The following ACAD11 variants were observed in gnomAD, a reference collection of about 807,000 sequenced individuals.
ACAD11 encodes acyl-Coenzyme A dehydrogenase family, member 11.
ACAD11 carries 83 observed loss-of-function variants against 102.2 expected under a neutral mutation model. The ratio of observed to expected loss-of-function variants is 0.81; its 90% CI spans 0.68 to 0.97. The LOEUF (loss-of-function observed/expected upper bound fraction) is 0.97, where lower values mean the gene tolerates loss of function less well. Among genes scored for constraint, ACAD11 ranks in the 50% least tolerant of loss-of-function variants. The probability of loss-of-function intolerance (pLI) is 0.00; values close to 1 mark genes in which losing one functional copy is unlikely to be tolerated. For synonymous variants in ACAD11, 324 were observed against 319.8 expected, an observed-to-expected ratio of 1.01 and a Z score of -0.14; for missense variants, 901 against 951.7, an observed-to-expected ratio of 0.95 and a Z score of 0.70.
Position 132,631,352 on chromosome 3 carries a change from C to T in ACAD11, c.830G>A (p.Ser277Asn), listed in dbSNP as rs1268747654. Residue 277 changes from serine (S) to asparagine (N), a missense_variant, in exon 6 of 20, where the codon AGT becomes AAT. Transcript: ENST00000264990. ...TTATGTTTTTATACCTGAGTTTTCA[C>T]TATAAGAACCTTGATTTATCATTGG... Reference protein sequence around the residue: ...TVPMINQGSYSENSGIPSMEE... With the variant: ...TVPMINQGSYNENSGIPSMEE... 2.7e-6 allele frequency: 4 copies of T among 1,475,334 alleles called. No individual in the cohort carries two copies. Among genetic ancestry groups the T allele is most frequent in the Non-Finnish European group, 3.6e-6 (4 of 1,107,682 alleles). 91.4% of individuals were successfully genotyped at this position (1,475,334 alleles called of 1,614,324 possible).
Position 132,612,920 on chromosome 3 carries a change from T to TGCACACGTATGTTTATTGTG in ACAD11, c.1414+5694_1414+5713dup, listed in dbSNP as rs1468113990. 1.1e-4 allele frequency among the ~76,000 whole-genome samples: 16 copies of TGCACACGTATGTTTATTGTG among 152,176 alleles called. No homozygotes were observed. In the South Asian group the frequency reaches 3.3e-3, roughly 32 times the overall value. ...TAAATCATGCTGCTATAAAGGCACA[T>TGCACACGTATGTTTATTGTG]GCACACGTATGTTTATTGTGGCACT... On this transcript the variant is annotated intron_variant, in intron 11 of 19. Coordinates refer to ENST00000264990, the MANE Select transcript of ACAD11 (RefSeq NM_032169.5).
At chr3:132,611,881 G>C (rs1233181922) in intron 11 of ACAD11, among the ~76,000 whole-genome samples, 1 of 151,934 alleles carries the variant, frequency 6.6e-6, no homozygotes, top group East Asian at 1.9e-4. Flanking sequence ...CTACTTTAAA[G>C]TTCAAATGGA....
At chr3:132,565,332 G>T (rs993051798) in intron 17 of ACAD11, among the ~76,000 whole-genome samples, 4 of 152,124 alleles carry the variant, frequency 2.6e-5, no homozygotes, top group Non-Finnish European at 5.9e-5. Flanking sequence ...CAGTCCAAAT[G>T]GGATGCCTGG....
chr3:132,590,692 A>G (rs1043983035), intron 13 of ACAD11, among the ~76,000 whole-genome samples: 3 of 152,204 alleles, frequency 2.0e-5, no homozygotes, highest in African/African-American at 7.2e-5. Flanking sequence ...CTTTTTAATA[A>G]TAGCCATCCT....
At chr3:132,640,649 T>C (rs1226473984) in intron 4 of ACAD11, among the ~76,000 whole-genome samples, 4 of 152,194 alleles carry the variant, frequency 2.6e-5, no homozygotes, top group African/African-American at 7.2e-5. Flanking sequence ...GGGTTTAAAT[T>C]ATATCTAAGC....
Position 132,630,551 on chromosome 3 carries a change from T to C in ACAD11, c.849A>G (p.Pro283=). The change falls in exon 7 of 20, where the codon CCA becomes CCG. Residue 283 remains proline, a synonymous_variant. Coordinates refer to ENST00000264990, the MANE Select transcript of ACAD11 (RefSeq NM_032169.5). The part of the protein sequence containing the change: ...QGSYSENSGI[P]SMEELISIYC... ...ATATTGAAATCAGTTCTTCCATTGA[T>C]GGTATCCCTATAAAAACAGCATGTA... The C allele has an allele frequency of 6.2e-7, 1 of 1,606,954 alleles. No individual in the cohort carries two copies. The highest frequency in any genetic ancestry group is 8.5e-7 in the Non-Finnish European group (1 of 1,177,202).
chr3:132,576,524 T>G (rs1415731144), intron 16 of ACAD11, among the ~76,000 whole-genome samples: 2 of 152,216 alleles, frequency 1.3e-5, no homozygotes, highest in African/African-American at 4.8e-5. Flanking sequence ...GAGGTTTTCT[T>G]AAAACAAATA....
rs1227709995 is a variant in ACAD11 at position 132,628,339 on chromosome 3, C to T, written c.1070+1G>A. The T allele has an allele frequency of 3.1e-6, 5 of 1,608,150 alleles. No individual in the cohort carries two copies. Among genetic ancestry groups the T allele is most frequent in the Non-Finnish European group, 4.2e-6 (5 of 1,176,596 alleles). On this transcript the variant is annotated splice_donor_variant, in intron 8 of 19. Coordinates refer to ENST00000264990, the MANE Select transcript of ACAD11 (RefSeq NM_032169.5). LOFTEE classifies it high-confidence loss of function. ...TTAGCCAAGGAATCTGTTTTCCTTA[C>T]CGTTTGGAGAGTTGTAGTCCAGTTT...
chr3:132,633,707 AG>A (rs1940148137), intron 5 of ACAD11, among the ~76,000 whole-genome samples: 4 of 152,306 alleles, frequency 2.6e-5, no homozygotes, highest in African/African-American at 9.6e-5. Context: ...ACTAAAACAG[AG>A]TAATAGACCA....
chr3:132,605,906 C>T (rs1938817427), intron 11 of ACAD11, among the ~76,000 whole-genome samples: 1 of 152,116 alleles, frequency 6.6e-6, no homozygotes, highest in Non-Finnish European at 1.5e-5. Context: ...GAATCCCTGC[C>T]CTGGAAAGAA....
intron 2 of ACAD11, among the ~76,000 whole-genome samples, chr3:132,644,455 T>C (rs1940643854): frequency 6.6e-6 from 1 of 152,114 alleles, no homozygotes; most frequent in African/African-American, 2.4e-5. Context: ...TTACATATAA[T>C]AATTTAAATA....
In ACAD11 at chr3:132,644,870, T is replaced by C. The variant is rs756123908; in HGVS notation, c.176A>G (p.Tyr59Cys). Reference sequence around the variant, plus strand: ...ATATGTTTGAAAGCCCTTCTGGAGATAAAAGGTTGGATTGGACTTTCCTGC... The same window carrying C: ...ATATGTTTGAAAGCCCTTCTGGAGACAAAAGGTTGGATTGGACTTTCCTGC... ...YRAGKSNPTF[Y>C]LQKGFQTYVL... The change falls in exon 2 of 20, where the codon TAT (tyrosine) becomes TGT (cysteine). Residue 59 changes from tyrosine (Y) to cysteine (C), a missense_variant. Transcript: ENST00000264990. 37 of 1,609,328 alleles carry C rather than the reference T, an allele frequency of 2.3e-5. No individual in the cohort carries two copies. Among genetic ancestry groups the C allele is most frequent in the African/African-American group, 4.0e-5 (3 of 74,444 alleles).
At chr3:132,607,731 C>A (rs1938911830) in intron 11 of ACAD11, among the ~76,000 whole-genome samples, 2 of 152,046 alleles carry the variant, frequency 1.3e-5, no homozygotes, top group Non-Finnish European at 1.5e-5. Flanking sequence ...ACTTCCCCAA[C>A]CTAGAAAGAG....
chr3:132,636,115 C>A (rs1256873951), intron 5 of ACAD11, among the ~76,000 whole-genome samples: 1 of 152,100 alleles, frequency 6.6e-6, no homozygotes, highest in Non-Finnish European at 1.5e-5. Context: ...TATAAAACAA[C>A]AGCCAGTGAG....
chr3:132,638,490 C>T (rs1940358151), intron 5 of ACAD11, among the ~76,000 whole-genome samples: 1 of 152,150 alleles, frequency 6.6e-6, no homozygotes, highest in Non-Finnish European at 1.5e-5. Flanking sequence ...GAAATAGTTG[C>T]TAGTGAATAA....
chr3:132,563,870 A>G (rs1937137779), intron 17 of ACAD11, among the ~76,000 whole-genome samples: 1 of 152,152 alleles, frequency 6.6e-6, no homozygotes, highest in Admixed American at 6.5e-5. Context: ...TTTGGGGGAA[A>G]AGCATTTAGT....
chr3:132,648,149 C>T (rs1940785189), intron 1 of ACAD11, among the ~76,000 whole-genome samples: 1 of 152,152 alleles, frequency 6.6e-6, no homozygotes, highest in African/African-American at 2.4e-5. Flanking sequence ...AGTCTTTTGG[C>T]ACCAGCTTCC....
intron 7 of ACAD11, among the ~76,000 whole-genome samples, chr3:132,629,731 TA>T (rs1438986561): frequency 2.0e-5 from 3 of 152,160 alleles, no homozygotes; most frequent in Non-Finnish European, 4.4e-5. Flanking sequence ...CTTTTCCCAT[TA>T]TTTTTCACTT....
At chr3:132,645,091 T>C (rs1312768954) in intron 1 of ACAD11, among the ~76,000 whole-genome samples, 195 bp from the exon 2 acceptor site, 1 of 152,216 alleles carries the variant, frequency 6.6e-6, no homozygotes, top group Non-Finnish European at 1.5e-5. Context: ...TACTGGCAGC[T>C]GGAGAATCTG....
Sources: allele counts gnomAD v4.1 joint callset (sites outside exome capture counted in the v4.1 genomes callset), GRCh38; gene constraint gnomAD v4.1.1; transcripts MANE v1.5; gene names NCBI Gene and HGNC (gene_info 2026-07-23, HGNC 2026-07-21).